ATM: variants seen among roughly 807,000 people sequenced by gnomAD.
ATM encodes serine-protein kinase ATM.
Under a neutral mutation model 387.0 loss-of-function variants are expected in ATM, and 308 were observed. The ratio of observed to expected loss-of-function variants is 0.80; its 90% CI spans 0.73 to 0.87. The LOEUF is 0.87. Ranked by LOEUF, ATM falls within the 40% of genes least tolerant of loss-of-function variation. ATM has a pLI of 0.00. For missense variants in ATM, 3,312 were observed against 3,560.9 expected (o/e 0.93, Z 1.78); for synonymous variants, 1,156 against 1,187.3 (o/e 0.97, Z 0.54).
intron 61 of ATM, among the ~76,000 whole-genome samples, chr11:108,358,174 C>T (rs1298030995): frequency 2.0e-5 from 3 of 151,328 alleles, no homozygotes; most frequent in African/African-American, 7.3e-5. Flanking sequence ...CCGATGCGAT[C>T]AACTGGAAGA....
At chr11:108,356,091 T>C (rs1279263229) in intron 61 of ATM, 7 of 152,238 alleles carry the variant, frequency 4.6e-5, no homozygotes, top group Non-Finnish European at 1.0e-4. Context: ...TTGTCATTTG[T>C]TACAGTTTGC....
At chr11:108,331,640 CCTCT>C (rs2086247455) in intron 51 of ATM, 83 bp downstream of exon 51, 13 of 1,419,844 alleles carry the variant, frequency 9.2e-6, no homozygotes, top group South Asian at 4.2e-5. Flanking sequence ...TATACCATTC[CCTCT>C]AAGAAATGGA....
chr11:108,281,096 C>T lies in ATM; in HGVS notation c.3504C>T (p.Cys1168=), dbSNP rs876658368. The T allele has an allele frequency of 2.5e-6, 4 of 1,613,610 alleles. No individual in the cohort carries two copies. Among genetic ancestry groups the T allele is most frequent in the African/African-American group, 1.3e-5 (1 of 74,820 alleles). The change falls in exon 24 of 63, where the codon TGC becomes TGT. Residue 1168 remains cysteine, a synonymous_variant. Coordinates refer to ENST00000675843, the MANE Select transcript of ATM (RefSeq NM_000051.4). ...TGGTTTTATCCTGTAGCCCTATCTG[C>T]GAAAAACAGGCTTTGTTTGCCCTGT... The part of the protein sequence containing the change: ...IAVVLSCSPI[C]EKQALFALCK...
At chr11:108,292,212 G>A (rs930887327) in intron 29 of ATM, among the ~76,000 whole-genome samples, 3 of 152,204 alleles carry the variant, frequency 2.0e-5, no homozygotes, top group Admixed American at 6.5e-5. Context: ...CTCACACCGA[G>A]GATATAGGCC....
rs199587409 is a variant in ATM, at chr11:108,321,387, G to T, written c.6539G>T (p.Gly2180Val). 5 of 1,614,188 alleles carry T rather than the reference G, an allele frequency of 3.1e-6. No individual in the cohort carries two copies. ...ACACTTAGCAGGTTGCAGGCCATTG[G>T]AGAGCTGGAAAGCATTGGGGAGCTT... ...YPTLSRLQAI[G>V]ELESIGELFS... Residue 2180 changes from glycine (G) to valine (V), a missense_variant, in exon 45 of 63, where the codon GGA (glycine) becomes GTA (valine). This residue lies in a region of ATM where 1,405 missense variants were observed against 1,604.4 expected (regional missense o/e 0.88). Coordinates refer to ENST00000675843, the MANE Select transcript of ATM (RefSeq NM_000051.4).
chr11:108,303,307 C>T (rs1280169587), intron 36 of ATM, among the ~76,000 whole-genome samples: 1 of 152,100 alleles, frequency 6.6e-6, no homozygotes, highest in African/African-American at 2.4e-5. Flanking sequence ...TAACCAAGAG[C>T]CTGTTCTAAC....
chr11:108,329,496 C>T (rs2086037470), intron 49 of ATM, among the ~76,000 whole-genome samples: 1 of 151,896 alleles, frequency 6.6e-6, no homozygotes, highest in Admixed American at 6.6e-5. Context: ...CTCACTGCAA[C>T]CTCGACCTCC....
intron 38 of ATM, 83 bp from the exon 39 acceptor site, chr11:108,310,077 C>T (rs2084011836): frequency 7.0e-7 from 1 of 1,434,466 alleles, no homozygotes. Context: ...GCAGTCACTA[C>T]CATTGTATTC....
chr11:108,321,264 CTTT>C, intron 44 of ATM, 34 bp from the exon 45 acceptor site: 2 of 1,610,002 alleles, frequency 1.2e-6, no homozygotes, highest in Non-Finnish European at 1.7e-6. Context: ...AAAACCTCTT[CTTT>C]ATTTTCAGAG....
Position 108,315,884 on chromosome 11 carries a change from G to T in ATM, c.6068G>T (p.Gly2023Val), listed in dbSNP as rs1486220915. The T allele has an allele frequency of 6.2e-7, 1 of 1,612,782 alleles. No homozygotes were observed. Among genetic ancestry groups the T allele is most frequent in the South Asian group, 1.1e-5 (1 of 91,044 alleles). ...CCAGATAGTTTGTATGGCTGTGGTG[G>T]AGGGAAGATGTTACAACCCATTACT... ...GEPDSLYGCG[G>V]GKMLQPITRL... The change falls in exon 41 of 63, where the codon GGA (glycine) becomes GTA (valine). Residue 2023 changes from glycine (G) to valine (V), a missense_variant. Gly to Val is a moderately radical substitution (Grantham distance 109). Coordinates refer to ENST00000675843, the MANE Select transcript of ATM (RefSeq NM_000051.4).
intron 57 of ATM, 118 bp from the exon 58 acceptor site, chr11:108,345,625 A>T: frequency 1.3e-6 from 1 of 790,116 alleles, no homozygotes; most frequent in Non-Finnish European, 1.9e-6. Flanking sequence ...TCTTGTAGGT[A>T]ATGTATCCTG....
chr11:108,361,835 C>T (rs1431820893), intron 61 of ATM, among the ~76,000 whole-genome samples: 1 of 151,894 alleles, frequency 6.6e-6, no homozygotes, highest in Admixed American at 6.6e-5. Context: ...GACCTAATAC[C>T]ATAAAAACCC....
At chr11:108,341,000 G>GT (rs1477923797) in intron 56 of ATM, among the ~76,000 whole-genome samples, 1 of 152,068 alleles carries the variant, frequency 6.6e-6, no homozygotes, top group African/African-American at 2.4e-5. Flanking sequence ...AGGGCCAGCT[G>GT]TATTCCATTT....
chr11:108,303,075 T>G, intron 36 of ATM, 46 bp downstream of exon 36: 1 of 1,546,460 alleles, frequency 6.5e-7, no homozygotes, highest in Non-Finnish European at 8.9e-7. Flanking sequence ...TTATGACCTG[T>G]TTATCTAAAG....
chr11:108,257,431 T>C (rs746907632), intron 14 of ATM, 50 bp from the exon 15 acceptor site: 1 of 1,599,684 alleles, frequency 6.3e-7, no homozygotes, highest in East Asian at 2.2e-5. Context: ...AAAGCAATAC[T>C]AAACTATAAT....
intron 29 of ATM, chr11:108,290,674 T>C (rs1431896752): frequency 1.4e-5 from 2 of 141,312 alleles, no homozygotes; most frequent in Admixed American, 7.0e-5. Context: ...AAAAGAAAAT[T>C]ATCCAAGTAT....
chr11:108,315,740 G>A (rs2084571521), intron 40 of ATM, 83 bp from the exon 41 acceptor site: 8 of 958,472 alleles, frequency 8.3e-6, no homozygotes, highest in Non-Finnish European at 1.2e-5. Flanking sequence ...GTTACATATT[G>A]GTAATGATAC....
In ATM at chr11:108,304,806, C is replaced by A. The variant is rs1237700879; in HGVS notation, c.5628C>A (p.His1876Gln). ...VQGFFTSCLR[H>Q]FSQTSRSTTP... ...GATTTTTCACCAGCTGTCTTCGACA[C>A]TTCTCGCAAACGAGCCGATCCACAA... The change falls in exon 37 of 63, where the codon CAC (histidine) becomes CAA (glutamine). Residue 1876 changes from histidine to glutamine, a missense_variant. This residue lies in a region of ATM where 1,405 missense variants were observed against 1,604.4 expected (regional missense o/e 0.88). Transcript: ENST00000675843. 6.2e-7 allele frequency: 1 copy of A among 1,613,588 alleles called. No homozygotes were observed. Among genetic ancestry groups the A allele is most frequent in the East Asian group, 2.2e-5 (1 of 44,844 alleles).
chr11:108,334,012 T>A (rs1175629491), intron 54 of ATM, 44 bp downstream of exon 54: 3 of 1,453,148 alleles, frequency 2.1e-6, no homozygotes, highest in South Asian at 2.3e-5. Context: ...CTAAATTTTT[T>A]TTATTAGATT....
Sources: allele counts gnomAD v4.1 joint callset (sites outside exome capture counted in the v4.1 genomes callset), GRCh38; gene constraint gnomAD v4.1.1; regional missense constraint gnomAD v4.1.1; transcripts MANE v1.5; gene names NCBI Gene and HGNC (gene_info 2026-07-23, HGNC 2026-07-21).